Variants in PLCH2 observed in about 807,000 individuals in gnomAD.
PLCH2 encodes the protein 1-phosphatidylinositol 4,5-bisphosphate phosphodiesterase eta-2.
PLCH2 carries 98 observed loss-of-function variants against 134.7 expected under a neutral mutation model. That is an observed-to-expected ratio of 0.73 (90% CI 0.62 to 0.86). The LOEUF (loss-of-function observed/expected upper bound fraction) is 0.86, where lower values mean the gene tolerates loss of function less well. Among genes scored for constraint, PLCH2 ranks in the 40% least tolerant of loss-of-function variants. The pLI is 0.00. For missense variants in PLCH2, 1,994 were observed against 1,986.6 expected, an observed-to-expected ratio of 1.00 and a Z score of -0.07; for synonymous variants, 974 against 827.5, an observed-to-expected ratio of 1.18 and a Z score of -3.04.
chr1:2,473,743 G>A (rs1055029297), upstream of PLCH2, among the ~76,000 whole-genome samples: 1 of 152,258 alleles, frequency 6.6e-6, no homozygotes, highest in Non-Finnish European at 1.5e-5. Flanking sequence ...GTGCTCTGAG[G>A]ACTGGGGAGC....
chr1:2,452,870 C>T (rs1640312347), intron 2 of PLCH2, among the ~76,000 whole-genome samples: 1 of 152,214 alleles, frequency 6.6e-6, no homozygotes. Flanking sequence ...TTGCCCGGAG[C>T]TCAGCAGAGC....
intron 2 of PLCH2, among the ~76,000 whole-genome samples, chr1:2,434,326 T>C (rs542810258): frequency 6.6e-6 from 1 of 152,246 alleles, no homozygotes; most frequent in East Asian, 1.9e-4. Flanking sequence ...TTCACAGCCG[T>C]TTACAACCTG....
At chr1:2,489,549 C>T (rs558117313) in intron 9 of PLCH2, among the ~76,000 whole-genome samples, 171 bp downstream of exon 9, 2 of 152,362 alleles carry the variant, frequency 1.3e-5, no homozygotes, top group South Asian at 2.1e-4. Flanking sequence ...GTCACTCTGG[C>T]TCAGGCCCCT....
chr1:2,486,758 C>T (rs1642307361), intron 5 of PLCH2, 149 bp from the exon 6 acceptor site: 1 of 672,888 alleles, frequency 1.5e-6, no homozygotes, highest in Admixed American at 2.3e-5. Context: ...CCACGGTAGT[C>T]CCAAGTCATG....
intron 2 of PLCH2, among the ~76,000 whole-genome samples, chr1:2,457,271 G>C (rs575128199): frequency 6.6e-6 from 1 of 152,058 alleles, no homozygotes; most frequent in Non-Finnish European, 1.5e-5. Flanking sequence ...GGGCTGGCCC[G>C]CCCTCCACTC....
chr1:2,476,180 C>CAGTGCCCTCCCATCCCCAGCTGGG (rs1641606696), upstream of PLCH2: 1 of 164,910 alleles, frequency 6.1e-6, no homozygotes, highest in Non-Finnish European at 1.3e-5. Flanking sequence ...GTTGCCTCCC[C>CAGTGCCCTCCCATCCCCAGCTGGG]AGTGCCCTCC....
intron 1 of PLCH2, among the ~76,000 whole-genome samples, chr1:2,468,792 A>G (rs759536622): frequency 3.3e-5 from 5 of 151,872 alleles, no homozygotes; most frequent in Non-Finnish European, 7.4e-5. Flanking sequence ...TGCCTCTGAT[A>G]AACCGTGTGA....
At chr1:2,429,979 A>G (rs1350687225) in intron 1 of PLCH2, among the ~76,000 whole-genome samples, 1 of 152,156 alleles carries the variant, frequency 6.6e-6, no homozygotes, top group East Asian at 1.9e-4. Context: ...TTTAAATTTC[A>G]TCAAGCTGTG....
chr1:2,503,869 T>C (rs1045870180), intron 21 of PLCH2, 53 bp from the exon 22 acceptor site: 46 of 668,032 alleles, frequency 6.9e-5, no homozygotes, highest in Middle Eastern at 2.9e-4. Context: ...TGCCTCCCTC[T>C]CTCTCTTCTG....
At chr1:2,429,877 G>T (rs1463276543) in intron 1 of PLCH2, among the ~76,000 whole-genome samples, 2 of 152,146 alleles carry the variant, frequency 1.3e-5, no homozygotes, top group African/African-American at 2.4e-5. Flanking sequence ...GGGCTGGGGG[G>T]GCCGGCCTCA....
rs371475499 is a variant in PLCH2, at chr1:2,479,742, G to A, written c.280G>A (p.Asp94Asn). Residue 94 changes from aspartate to asparagine, a missense_variant, in exon 3 of 22, where the codon GAC becomes AAC. By Grantham distance (23) the Asp-to-Asn change is conservative. Around this residue, in one of 2 missense-constraint regions of PLCH2, gnomAD observed 1,094 missense variants for 1,234.3 expected, o/e 0.89. Coordinates refer to ENST00000378486, the MANE Select transcript of PLCH2 (RefSeq NM_014638.4). ...RKNEKAKISI[D>N]SIQEVSEGRQ... ...CCCTCCCCACCCCGCAGTCTCCATC[G>A]ACTCCATCCAGGAGGTGAGTGAGGG... is the stretch of plus-strand genomic sequence containing the variant. The A allele has an allele frequency of 2.7e-5, 41 of 1,540,108 alleles. No individual in the cohort carries two copies. Among genetic ancestry groups the A allele is most frequent in the Non-Finnish European group, 2.8e-5 (32 of 1,138,482 alleles).
upstream of PLCH2, among the ~76,000 whole-genome samples, chr1:2,424,815 G>A (rs554596353): frequency 3.4e-4 from 52 of 152,242 alleles, 1 homozygote; most frequent in East Asian, 9.6e-4. Context: ...GTGAAACCCT[G>A]TCTCTACTAA....
intron 1 of PLCH2, among the ~76,000 whole-genome samples, chr1:2,470,562 G>C (rs1041405798): frequency 6.6e-6 from 1 of 152,206 alleles, no homozygotes; most frequent in Non-Finnish European, 1.5e-5. Context: ...GAGCAGCCCC[G>C]TGCCGGGACG....
At chr1:2,456,008 G>T (rs1289171232) in intron 2 of PLCH2, among the ~76,000 whole-genome samples, 2 of 152,258 alleles carry the variant, frequency 1.3e-5, no homozygotes, top group African/African-American at 2.4e-5. Context: ...TCGGCAAGTG[G>T]TGCACTGTGG....
chr1:2,497,254 C>T (rs1408330717), intron 15 of PLCH2, among the ~76,000 whole-genome samples: 1 of 152,266 alleles, frequency 6.6e-6, no homozygotes, highest in African/African-American at 2.4e-5. Flanking sequence ...CAGGCCTGTC[C>T]ACCTACTCCC....
chr1:2,467,786 C>A, intron 1 of PLCH2: 2 of 398,600 alleles, frequency 5.0e-6, no homozygotes, highest in South Asian at 1.3e-4. Context: ...CACTGACCCC[C>A]CGTGGGCAGT....
chr1:2,471,218 C>T (rs1641309600), intron 1 of PLCH2, among the ~76,000 whole-genome samples: 1 of 152,158 alleles, frequency 6.6e-6, no homozygotes, highest in South Asian at 2.1e-4. Flanking sequence ...CTGGGAGGGA[C>T]CCTTACTGAG....
Position 2,444,818 on chromosome 1 carries a change from C to T in PLCH2, c.115+14189C>T, listed in dbSNP as rs1570276252. On this transcript the variant is annotated intron_variant, in intron 2 of 3. Transcript: ENST00000609981. This position sits in a 1 kb window ranked among gnomAD's most constrained non-coding sequence, Gnocchi z 4.6. Reference sequence around the variant, plus strand: ...GAATGGACCCGATCGGTGTCCCCTTCGTCCCCTGACACGTTGGTCTGGGGA... The same window carrying T: ...GAATGGACCCGATCGGTGTCCCCTTTGTCCCCTGACACGTTGGTCTGGGGA... 6.6e-6 allele frequency among the ~76,000 whole-genome samples: 1 copy of T among 152,032 alleles called. No homozygotes were observed. The highest frequency in any genetic ancestry group is 1.5e-5 in the Non-Finnish European group (1 of 67,990).
rs769929312 is a variant in PLCH2, at chr1:2,478,578, C to T, written c.227C>T (p.Ser76Phe). 1.2e-6 allele frequency: 2 copies of T among 1,612,268 alleles called. No homozygotes were observed. The highest frequency in any genetic ancestry group is 1.7e-6 in the Non-Finnish European group (2 of 1,179,614). The change falls in exon 2 of 22, where the codon TCC becomes TTC. Residue 76 changes from serine to phenylalanine, a missense_variant. Ser to Phe is a radical substitution (Grantham distance 155). Coordinates refer to ENST00000378486, the MANE Select transcript of PLCH2 (RefSeq NM_014638.4). The stretch of plus-strand genomic sequence containing the variant: ...TTCTACTACCTGGACGAGCACCGCT[C>T]CTGCATCCGCTGGAGGCCCTCACGC... ...VRFYYLDEHR[S>F]CIRWRPSRKN... is the part of the protein sequence containing the mutation.
Sources: allele counts gnomAD v4.1 joint callset (sites outside exome capture counted in the v4.1 genomes callset), GRCh38; gene constraint gnomAD v4.1.1; regional missense constraint gnomAD v4.1.1; non-coding constraint Gnocchi (gnomAD v3.1); transcripts MANE v1.5; gene names NCBI Gene and HGNC (gene_info 2026-07-23, HGNC 2026-07-21).